ARFGEF2: variants seen among roughly 807,000 people sequenced by gnomAD.
The protein encoded by ARFGEF2 is brefeldin A-inhibited guanine nucleotide-exchange protein 2.
In ARFGEF2, 74 loss-of-function variants were observed where a neutral mutation model predicts 219.9. The observed-to-expected ratio is 0.34, with a 90% confidence interval of 0.28 to 0.41. The LOEUF (loss-of-function observed/expected upper bound fraction) is 0.41, where lower values mean the gene tolerates loss of function less well. Ranked by LOEUF, ARFGEF2 falls within the 10% of genes least tolerant of loss-of-function variation. The pLI, the probability that ARFGEF2 is intolerant of heterozygous loss-of-function variation, is 1.00. For missense variants in ARFGEF2, 1,743 were observed against 2,218.3 expected (o/e 0.79, Z 4.30); for synonymous variants, 733 against 799.2 (o/e 0.92, Z 1.40).
rs775174492 is a variant in ARFGEF2 at position 48,976,107 on chromosome 20, G to T, written c.1866G>T (p.Val622=). The part of the protein sequence containing the change: ...RCSVTSMEST[V]SSGTQTTVQD... ...GTGTGACGTCCATGGAGTCCACAGT[G>T]TCCTCGGGGACCCAGACAACTGTTC... Residue 622 remains valine (V), a synonymous_variant, in exon 14 of 39, where the codon GTG becomes GTT. Coordinates refer to ENST00000371917, the MANE Select transcript of ARFGEF2 (RefSeq NM_006420.3). The T allele has an allele frequency of 1.8e-5, 29 of 1,613,638 alleles. No homozygotes were observed. The highest frequency in any genetic ancestry group is 3.5e-4 in the Middle Eastern group (2 of 5,766).
intron 20 of ARFGEF2, 64 bp downstream of exon 20, chr20:48,989,748 A>T (rs1298875803): frequency 1.1e-5 from 18 of 1,607,906 alleles, no homozygotes; most frequent in Admixed American, 1.7e-5. Context: ...ATTTGGCAAA[A>T]CTTAGAAATT....
At chr20:48,941,079 T>G in intron 1 of ARFGEF2, 120 bp from the exon 2 acceptor site, 1 of 897,634 alleles carries the variant, frequency 1.1e-6, no homozygotes, top group South Asian at 1.5e-5. Flanking sequence ...ATATCAGCAT[T>G]TTTGTATTTA....
chr20:48,983,645 A>G (rs1375149117), intron 14 of ARFGEF2, among the ~76,000 whole-genome samples: 3 of 152,108 alleles, frequency 2.0e-5, no homozygotes, highest in Admixed American at 6.6e-5. Flanking sequence ...AGTCCCTTGA[A>G]CACCTTCAGC....
At chr20:48,998,960 G>A (rs1437215371) in intron 25 of ARFGEF2, among the ~76,000 whole-genome samples, 3 of 152,278 alleles carry the variant, frequency 2.0e-5, no homozygotes, top group African/African-American at 4.8e-5. Flanking sequence ...TATTTGGGCC[G>A]GGCGTAGTGG....
intron 8 of ARFGEF2, 101 bp downstream of exon 8, chr20:48,966,124 GC>G: frequency 6.9e-7 from 1 of 1,445,530 alleles, no homozygotes; most frequent in African/African-American, 1.4e-5. Flanking sequence ...AAATAAGCAA[GC>G]CCTGTTCCTT....
chr20:48,960,693 G>A (rs2091142994), intron 6 of ARFGEF2, among the ~76,000 whole-genome samples: 1 of 151,464 alleles, frequency 6.6e-6, no homozygotes, highest in Admixed American at 6.6e-5. Context: ...TTGTTGACCA[G>A]GCTGGTCTCG....
chr20:48,991,129 C>T lies in ARFGEF2; in HGVS notation c.2904C>T (p.Ile968=), dbSNP rs138056947. ...TCACAGAAATGAAGCAGAAAAACAT[C>T]GACACCATTAAGACGCTTATCACAG... is the stretch of plus-strand genomic sequence containing the variant. The part of the protein sequence containing the change: ...SSITEMKQKN[I]DTIKTLITVA... Residue 968 remains isoleucine (I), a synonymous_variant, in exon 21 of 39, where the codon ATC becomes ATT. Transcript: ENST00000371917. 30 of 1,614,030 alleles carry T rather than the reference C, an allele frequency of 1.9e-5. No homozygotes were observed. The highest frequency in any genetic ancestry group is 2.5e-5 in the Non-Finnish European group (30 of 1,180,036).
At chr20:48,987,435 T>C (rs1446565182) in intron 16 of ARFGEF2, among the ~76,000 whole-genome samples, 1 of 151,952 alleles carries the variant, frequency 6.6e-6, no homozygotes, top group Non-Finnish European at 1.5e-5. Context: ...CACCAACATA[T>C]TGTTTAGAAC....
At chr20:49,000,650 C>G (rs1356274351) in intron 25 of ARFGEF2, among the ~76,000 whole-genome samples, 1 of 152,152 alleles carries the variant, frequency 6.6e-6, no homozygotes, top group Non-Finnish European at 1.5e-5. Context: ...ACCTTGTATT[C>G]TTGTCCAAAC....
chr20:49,017,870 C>T (rs547574861), intron 33 of ARFGEF2, among the ~76,000 whole-genome samples: 25 of 152,276 alleles, frequency 1.6e-4, no homozygotes, highest in African/African-American at 5.3e-4. Context: ...ATATTTTAAA[C>T]GGTTCTTTGA....
chr20:48,969,902 G>A (rs567259924), intron 9 of ARFGEF2, among the ~76,000 whole-genome samples: 8 of 152,268 alleles, frequency 5.3e-5, no homozygotes, highest in African/African-American at 9.6e-5. Flanking sequence ...ATGAAATATC[G>A]GTGTTGTCCT....
In ARFGEF2 at chr20:48,998,325, C is replaced by G; in HGVS notation, c.3263-11C>G. 6.2e-7 allele frequency: 1 copy of G among 1,614,194 alleles called. No homozygotes were observed. Among genetic ancestry groups the G allele is most frequent in the Non-Finnish European group, 8.5e-7 (1 of 1,180,046 alleles). On this transcript the variant is annotated splice_polypyrimidine_tract_variant and intron_variant, in intron 24 of 38. Transcript: ENST00000371917. ...CGAGGCTTTGCTTGTGTTGTTGGGT[C>G]TGGCCTGTAGTTGACTTTGTCCGCT...
chr20:48,998,911 T>C (rs1024634708), intron 25 of ARFGEF2, among the ~76,000 whole-genome samples: 1 of 152,176 alleles, frequency 6.6e-6, no homozygotes, highest in Non-Finnish European at 1.5e-5. Context: ...CCGGCACCTA[T>C]TGCCACCATT....
intron 14 of ARFGEF2, among the ~76,000 whole-genome samples, chr20:48,981,237 T>C (rs539129208): frequency 4.9e-4 from 75 of 152,378 alleles, no homozygotes; most frequent in South Asian, 2.9e-3. Context: ...CCTTCACTTA[T>C]GAAGTTTAGT....
intron 1 of ARFGEF2, among the ~76,000 whole-genome samples, chr20:48,932,667 A>G (rs1257116548): frequency 6.6e-6 from 1 of 152,196 alleles, no homozygotes; most frequent in Non-Finnish European, 1.5e-5. Flanking sequence ...GAAAGCCGAG[A>G]GGTTGGCCAT....
intron 23 of ARFGEF2, 49 bp downstream of exon 23, chr20:48,995,931 G>T (rs1221599457): frequency 6.5e-7 from 1 of 1,526,728 alleles, no homozygotes; most frequent in Admixed American, 1.7e-5. Flanking sequence ...TGGTTTGGTG[G>T]CCTCTCTGTA....
At chr20:48,944,537 G>GTCAAGTGATTCTCCCCGGGC (rs951040216) in intron 3 of ARFGEF2, among the ~76,000 whole-genome samples, 1 of 152,140 alleles carries the variant, frequency 6.6e-6, no homozygotes, top group Non-Finnish European at 1.5e-5. Context: ...TCACTGCAAA[G>GTCAAGTGATTCTCCCCGGGC]TCAAGTGATT....
Position 49,030,928 on chromosome 20 carries a change from G to A in ARFGEF2, c.5064-1121G>A, listed in dbSNP as rs1226945057. 2.6e-5 allele frequency among the ~76,000 whole-genome samples: 4 copies of A among 152,246 alleles called. No individual in the cohort carries two copies. In the South Asian group the frequency reaches 8.3e-4, roughly 32 times the overall value. ...AATCACTTGAACCCAGGAGGCAGAG[G>A]TTGCAGTGAGCCAAGATTGTGCTGT... On this transcript the variant is annotated intron_variant, in intron 37 of 38. Transcript: ENST00000371917.
At chr20:48,948,861 A>G (rs547173344) in intron 3 of ARFGEF2, among the ~76,000 whole-genome samples, 3 of 152,362 alleles carry the variant, frequency 2.0e-5, no homozygotes, top group African/African-American at 4.8e-5. Context: ...AGGTGGGGAC[A>G]TCTACCTGGG....
Sources: allele counts gnomAD v4.1 joint callset (sites outside exome capture counted in the v4.1 genomes callset), GRCh38; gene constraint gnomAD v4.1.1; transcripts MANE v1.5; gene names NCBI Gene and HGNC (gene_info 2026-07-23, HGNC 2026-07-21).